Variants in COX10 observed in about 807,000 individuals in gnomAD.
The protein encoded by COX10 is cytochrome c oxidase assembly factor heme A:farnesyltransferase COX10, also known as protoheme IX farnesyltransferase, mitochondrial.
Under a neutral mutation model 37.3 loss-of-function variants are expected in COX10, and 27 were observed. That is an observed-to-expected ratio of 0.72 (90% CI 0.53 to 1.00). The LOEUF is 1.00. COX10 is among the 50% of genes least tolerant of loss of function. The probability of loss-of-function intolerance (pLI) is 0.00; values close to 1 mark genes in which losing one functional copy is unlikely to be tolerated. For synonymous variants in COX10, 222 were observed against 229.1 expected, an observed-to-expected ratio of 0.97 and a Z score of 0.28; for missense variants, 475 against 563.2, an observed-to-expected ratio of 0.84 and a Z score of 1.59.
At chr17:14,123,379 C>T (rs1597509752) in intron 4 of COX10, among the ~76,000 whole-genome samples, 2 of 152,172 alleles carry the variant, frequency 1.3e-5, no homozygotes, top group East Asian at 3.9e-4. Context: ...TTCTCAGCAG[C>T]ATTAATAACT....
chr17:14,146,447 C>A (rs1453971984), intron 4 of COX10, among the ~76,000 whole-genome samples: 1 of 152,062 alleles, frequency 6.6e-6, no homozygotes, highest in Admixed American at 6.6e-5. Flanking sequence ...TATTTATATT[C>A]AGAAGAATGA....
intron 3 of COX10, among the ~76,000 whole-genome samples, chr17:14,092,076 T>C (rs1340667636): frequency 6.6e-6 from 1 of 152,050 alleles, no homozygotes; most frequent in Non-Finnish European, 1.5e-5. Context: ...AAGAACAAAC[T>C]AAAACAGGAT....
At chr17:14,104,446 G>A (rs898730755) in intron 4 of COX10, among the ~76,000 whole-genome samples, 1 of 152,042 alleles carries the variant, frequency 6.6e-6, no homozygotes, top group African/African-American at 2.4e-5. Flanking sequence ...CAGAGTTTTT[G>A]GGCAGCATAT....
chr17:14,087,782 A>G (rs992254559), intron 3 of COX10, among the ~76,000 whole-genome samples: 3 of 151,148 alleles, frequency 2.0e-5, no homozygotes, highest in Non-Finnish European at 1.5e-5. Context: ...TCCTCTCTGC[A>G]TATGGTATGT....
chr17:14,118,275 C>T (rs920313930), intron 4 of COX10, among the ~76,000 whole-genome samples: 2 of 152,078 alleles, frequency 1.3e-5, no homozygotes, highest in African/African-American at 4.8e-5. Flanking sequence ...ACCAAGGACC[C>T]TGCCCTTCTC....
intron 6 of COX10, among the ~76,000 whole-genome samples, chr17:14,200,102 G>A (rs898819663): frequency 6.6e-6 from 1 of 152,160 alleles, no homozygotes; most frequent in Non-Finnish European, 1.5e-5. Flanking sequence ...TGGGGGGTGG[G>A]GGTGGGAAGG....
chr17:14,140,188 C>G (rs1234349625), intron 4 of COX10, among the ~76,000 whole-genome samples: 1 of 152,092 alleles, frequency 6.6e-6, no homozygotes, highest in Non-Finnish European at 1.5e-5. Flanking sequence ...CCACATCTAT[C>G]TATACTTATT....
intron 4 of COX10, among the ~76,000 whole-genome samples, chr17:14,136,225 A>G (rs2142222599): frequency 6.6e-6 from 1 of 151,950 alleles, no homozygotes; most frequent in East Asian, 1.9e-4. Flanking sequence ...TTCCATCAAA[A>G]CTGGTTTCAA....
intron 6 of COX10, among the ~76,000 whole-genome samples, chr17:14,199,903 C>T (rs1198259322): frequency 6.6e-6 from 1 of 152,150 alleles, no homozygotes; most frequent in East Asian, 1.9e-4. Context: ...CCCCAGTCTA[C>T]ATAACCACAT....
At position 14,207,860 on chromosome 17, in the gene COX10, C is replaced by CA. The variant is rs1307585100; in HGVS notation, c.*648dup. ...CCAGCCCCTGTCCTCCCTTCACCCC[C>CA]ATTGCGTATGAGCATTTCAGAACTC... On this transcript the variant is annotated 3_prime_UTR_variant, in exon 7 of 7. Transcript: ENST00000261643. 1.3e-5 allele frequency: 2 copies of CA among 152,748 alleles called. No homozygotes were observed. The highest frequency in any genetic ancestry group is 6.5e-5 in the Admixed American group (1 of 15,320). The allele number at this position is 152,748 out of a possible 1,614,324, so 9.5% of individuals were successfully genotyped here.
chr17:14,083,292 ACC>A, intron 3 of COX10, among the ~76,000 whole-genome samples: 1 of 152,116 alleles, frequency 6.6e-6, no homozygotes, highest in Non-Finnish European at 1.5e-5. Context: ...CTTTTATCTG[ACC>A]TTTTACCTCT....
intron 4 of COX10, among the ~76,000 whole-genome samples, 155 bp from the exon 5 acceptor site, chr17:14,159,722 T>G (rs561159916): frequency 1.3e-5 from 2 of 152,204 alleles, no homozygotes; most frequent in Admixed American, 6.5e-5. Context: ...GTTTGTTTGT[T>G]TTTTTGGAAT....
intron 4 of COX10, among the ~76,000 whole-genome samples, chr17:14,140,354 A>G (rs1161156943): frequency 6.6e-6 from 1 of 152,112 alleles, no homozygotes; most frequent in Non-Finnish European, 1.5e-5. Context: ...ATCTTAGTTA[A>G]CATTTTTAAT....
intron 6 of COX10, among the ~76,000 whole-genome samples, chr17:14,201,999 C>A (rs1906554728): frequency 6.6e-6 from 1 of 152,142 alleles, no homozygotes; most frequent in Non-Finnish European, 1.5e-5. Context: ...GCATTCCAAC[C>A]TTTCCTCTGT....
At chr17:14,165,796 A>G (rs1462430415) in intron 5 of COX10, among the ~76,000 whole-genome samples, 1 of 152,246 alleles carries the variant, frequency 6.6e-6, no homozygotes, top group Non-Finnish European at 1.5e-5. Context: ...GGAGATTAAA[A>G]GTGCTACTTC....
Position 14,102,678 on chromosome 17 carries a change from T to C in COX10, c.624+436T>C, listed in dbSNP as rs529686159. ...TGCATATTCAGCTATTTTTAAAAAA[T>C]CATAATTTAGTACTCAGTTAACTTG... On this transcript the variant is annotated intron_variant, in intron 4 of 6. Transcript: ENST00000261643. Among the ~76,000 whole-genome samples the C allele has an allele frequency of 3.7e-4, 57 of 152,294 alleles. 1 individual carries two copies. The highest frequency in any genetic ancestry group is 1.3e-3 in the African/African-American group (55 of 41,562).
In COX10 at chr17:14,076,768, C is replaced by G; in HGVS notation, c.211C>G (p.Gln71Glu). 2 of 1,614,180 alleles carry G rather than the reference C, an allele frequency of 1.2e-6. No homozygotes were observed. Among genetic ancestry groups the G allele is most frequent in the African/African-American group, 1.3e-5 (1 of 75,046 alleles). Reference protein sequence around the residue: ...VTQLNRSHNQQVRPKPEPVAS... With the variant: ...VTQLNRSHNQEVRPKPEPVAS... ...ACAGCTGAACAGAAGCCACAACCAG[C>G]AAGTAAGACCCAAGCCAGAACCAGT... is the stretch of plus-strand genomic sequence containing the variant. Residue 71 changes from glutamine to glutamate, a missense_variant, in exon 3 of 7, where the codon CAA becomes GAA. By Grantham distance (29) the Gln-to-Glu change is conservative (BLOSUM62 2). Transcript: ENST00000261643.
At chr17:14,088,147 TC>T (rs1215806145) in intron 3 of COX10, among the ~76,000 whole-genome samples, 4 of 152,192 alleles carry the variant, frequency 2.6e-5, no homozygotes, top group Non-Finnish European at 5.9e-5. Context: ...AGCCTTGATT[TC>T]CCATATTTAT....
rs1456112529 is a variant in COX10, at chr17:14,207,191, A to G, written c.1310A>G (p.Asp437Gly). ...TGCAAGCGGCCGAGCGGAGGCGGGG[A>G]CGCAGGGCCCCCTCCCAGCTGAGAG... The part of the protein sequence containing the change: ...LTCKRPSGGG[D>G]AGPPPS The change falls in exon 7 of 7, where the codon GAC becomes GGC. Residue 437 changes from aspartate (D) to glycine (G), a missense_variant. Around this residue, in one of 5 missense-constraint regions of COX10, gnomAD observed 160 missense variants for 180.6 expected, o/e 0.89. Transcript: ENST00000261643. The G allele has an allele frequency of 6.3e-7, 1 of 1,599,942 alleles. No individual in the cohort carries two copies. Among genetic ancestry groups the G allele is most frequent in the South Asian group, 1.1e-5 (1 of 90,476 alleles).
Sources: gnomAD v4.1 joint callset for allele counts (sites outside exome capture counted in the v4.1 genomes callset) on GRCh38, gnomAD v4.1.1 for gene constraint, gnomAD v4.1.1 regional missense constraint, MANE v1.5 for transcripts, NCBI Gene and HGNC (gene_info 2026-07-23, HGNC 2026-07-21) for gene names.